NTM: variants seen among roughly 807,000 people sequenced by gnomAD.
NTM encodes neurotrimin.
A neutral mutation model predicts 42.1 loss-of-function variants in NTM; 13 were observed. The ratio of observed to expected loss-of-function variants is 0.31; its 90% CI spans 0.20 to 0.49. The LOEUF (loss-of-function observed/expected upper bound fraction) is 0.49, where lower values mean the gene tolerates loss of function less well. Ranked by LOEUF, NTM falls within the 20% of genes least tolerant of loss-of-function variation. NTM has a pLI of 0.99. For missense variants in NTM, 373 were observed against 452.8 expected, an observed-to-expected ratio of 0.82 and a Z score of 1.60; for synonymous variants, 187 against 179.2, an observed-to-expected ratio of 1.04 and a Z score of -0.35.
At chr11:132,300,777 A>G (rs2094814301) in intron 4 of NTM, among the ~76,000 whole-genome samples, 1 of 152,104 alleles carries the variant, frequency 6.6e-6, no homozygotes, top group South Asian at 2.1e-4. Flanking sequence ...CCCTCCGTTT[A>G]CCTCAGAACT....
intron 3 of NTM, among the ~76,000 whole-genome samples, chr11:132,165,451 C>G (rs1027575643): frequency 9.9e-5 from 15 of 152,166 alleles, no homozygotes; most frequent in Non-Finnish European, 1.8e-4. Context: ...CTTCCTACAG[C>G]CTGTGTCCTC....
intron 1 of NTM, among the ~76,000 whole-genome samples, chr11:131,557,021 G>A (rs755213046): frequency 7.9e-5 from 12 of 151,996 alleles, no homozygotes; most frequent in Non-Finnish European, 1.5e-4. Context: ...GTGTGTGTGT[G>A]TGTCTGCAAA....
rs932745843 is a variant in NTM at position 131,820,580 on chromosome 11, T to G, written c.83-90984T>G. ...GGGCCAAGGCCACCTGAGAGTCTTT[T>G]CCTGATCTGCTCTCCCTCTCTCCCA... On this transcript the variant is annotated intron_variant, in intron 1 of 8. Coordinates refer to ENST00000683400, the MANE Select transcript of NTM (RefSeq NM_001352005.2). Among the ~76,000 whole-genome samples, 5 of 152,222 alleles carry G rather than the reference T, an allele frequency of 3.3e-5. No individual in the cohort carries two copies. The South Asian group carries it at 6.2e-4, about 19-fold the overall frequency.
intron 1 of NTM, among the ~76,000 whole-genome samples, chr11:131,544,443 T>C (rs73028187): frequency 0.057 from 8,746 of 152,228 alleles, 292 homozygotes; most frequent in Middle Eastern, 0.11. Context: ...CCCATTCTAC[T>C]ACCAAATTAT....
At chr11:131,570,799 G>C (rs2057374295) in intron 1 of NTM, among the ~76,000 whole-genome samples, 1 of 152,240 alleles carries the variant, frequency 6.6e-6, no homozygotes, top group Non-Finnish European at 1.5e-5. Flanking sequence ...CTCCAGCCTG[G>C]CAACAGAGGG....
chr11:131,688,068 C>G (rs2074133561), intron 1 of NTM, among the ~76,000 whole-genome samples: 1 of 152,250 alleles, frequency 6.6e-6, no homozygotes, highest in Non-Finnish European at 1.5e-5. Context: ...GCTAATAAAC[C>G]CCGGAGGGGT....
intron 1 of NTM, among the ~76,000 whole-genome samples, chr11:131,422,174 T>A (rs1344964108): frequency 1.3e-5 from 2 of 151,612 alleles, no homozygotes; most frequent in Non-Finnish European, 2.9e-5. Flanking sequence ...AGGATTCTGA[T>A]AGGCTGTTGC....
At chr11:131,997,881 A>G (rs1321647593) in intron 2 of NTM, among the ~76,000 whole-genome samples, 8 of 152,050 alleles carry the variant, frequency 5.3e-5, no homozygotes, top group Non-Finnish European at 5.9e-5. Context: ...TTGGCATTTC[A>G]GTGCTTTGAA....
intron 2 of NTM, among the ~76,000 whole-genome samples, chr11:132,047,606 C>T (rs1184305550): frequency 6.6e-6 from 1 of 152,226 alleles, no homozygotes; most frequent in African/African-American, 2.4e-5. Context: ...GCCTGGTCAT[C>T]ACTGGCATTC....
At chr11:132,054,118 G>T (rs1343123773) in intron 2 of NTM, among the ~76,000 whole-genome samples, 1 of 152,246 alleles carries the variant, frequency 6.6e-6, no homozygotes, top group Non-Finnish European at 1.5e-5. Context: ...CAGAGGCTGA[G>T]GCAGGAGAAT....
At chr11:131,439,489 G>T (rs926324622) in intron 1 of NTM, among the ~76,000 whole-genome samples, 35 of 152,330 alleles carry the variant, frequency 2.3e-4, no homozygotes, top group African/African-American at 8.2e-4. Context: ...AGGATGCTTT[G>T]TTTACCTACT....
chr11:131,939,252 A>G (rs963602971), intron 2 of NTM, among the ~76,000 whole-genome samples: 6 of 152,174 alleles, frequency 3.9e-5, no homozygotes, highest in Middle Eastern at 3.2e-3. Context: ...GTTTGAGACC[A>G]AAAAATACAA....
chr11:131,971,663 A>C (rs2063544358), intron 2 of NTM, among the ~76,000 whole-genome samples: 1 of 151,948 alleles, frequency 6.6e-6, no homozygotes, highest in South Asian at 2.1e-4. Flanking sequence ...GATGGTCCTT[A>C]ATCTTCTATC....
chr11:131,681,155 G>C (rs2072676249), intron 1 of NTM, among the ~76,000 whole-genome samples: 1 of 61,466 alleles, frequency 1.6e-5, no homozygotes, highest in African/African-American at 4.3e-5. Flanking sequence ...CCCTGTGTGT[G>C]TGAGCATGTG....
chr11:131,473,147 A>G (rs1952605613), intron 1 of NTM, among the ~76,000 whole-genome samples: 1 of 152,190 alleles, frequency 6.6e-6, no homozygotes, highest in Non-Finnish European at 1.5e-5. Context: ...GACTTCAAAC[A>G]CATCCCACCA....
At chr11:131,988,804 A>C (rs1434467776) in intron 2 of NTM, among the ~76,000 whole-genome samples, 2 of 152,214 alleles carry the variant, frequency 1.3e-5, no homozygotes, top group African/African-American at 4.8e-5. Context: ...TCTGTCTAGA[A>C]GGCTTCTAAC....
intron 2 of NTM, among the ~76,000 whole-genome samples, chr11:131,933,088 G>A (rs1358414474): frequency 1.3e-5 from 2 of 152,176 alleles, no homozygotes; most frequent in African/African-American, 4.8e-5. Flanking sequence ...CTAACATTTT[G>A]TAAATAAATG....
intron 1 of NTM, among the ~76,000 whole-genome samples, chr11:131,701,299 C>T (rs2076047484): frequency 6.6e-6 from 1 of 152,222 alleles, no homozygotes; most frequent in South Asian, 2.1e-4. Flanking sequence ...CCCACAGGGC[C>T]ATTGCCAGGA....
intron 3 of NTM, among the ~76,000 whole-genome samples, chr11:132,200,868 C>T (rs2081057154): frequency 6.6e-6 from 1 of 152,188 alleles, no homozygotes; most frequent in Non-Finnish European, 1.5e-5. Flanking sequence ...AATCATGGCT[C>T]AGAGTCTAAG....
Sources: allele counts gnomAD v4.1 joint callset (sites outside exome capture counted in the v4.1 genomes callset), GRCh38; gene constraint gnomAD v4.1.1; transcripts MANE v1.5; gene names NCBI Gene and HGNC (gene_info 2026-07-23, HGNC 2026-07-21).